RPS6KC1: variants seen among roughly 807,000 people sequenced by gnomAD.
RPS6KC1 encodes the protein inactive ribosomal protein S6 kinase delta-1.
Under a neutral mutation model 103.8 loss-of-function variants are expected in RPS6KC1, and 54 were observed. The ratio of observed to expected loss-of-function variants is 0.52; its 90% CI spans 0.42 to 0.65. RPS6KC1 has a LOEUF of 0.65. Among genes scored for constraint, RPS6KC1 ranks in the 30% least tolerant of loss-of-function variants. RPS6KC1 has a pLI of 0.00. For synonymous variants in RPS6KC1, 439 were observed against 438.7 expected (o/e 1.00, Z -0.01); for missense variants, 1,151 against 1,253.8 (o/e 0.92, Z 1.24).
the RPS6KC1 span, among the ~76,000 whole-genome samples, chr1:213,777,852 T>C: frequency 6.6e-6 from 1 of 152,338 alleles, no homozygotes; most frequent in South Asian, 2.1e-4. Context: ...AGCTCTATAT[T>C]TATTGACCAC....
At chr1:213,746,739 G>A in the RPS6KC1 span, among the ~76,000 whole-genome samples, 1 of 152,208 alleles carries the variant, frequency 6.6e-6, no homozygotes, top group African/African-American at 2.4e-5. Context: ...AGGCGGTGAA[G>A]AGAGGTCAGT....
the RPS6KC1 span, among the ~76,000 whole-genome samples, chr1:213,755,045 C>T: frequency 1.3e-5 from 2 of 152,086 alleles, no homozygotes; most frequent in African/African-American, 4.8e-5. Flanking sequence ...AGGATTCGTT[C>T]CTTACACTTA....
intron 14 of RPS6KC1, 103 bp downstream of exon 14, chr1:213,262,919 C>G (rs2094832219): frequency 1.3e-6 from 1 of 755,412 alleles, no homozygotes; most frequent in Non-Finnish European, 2.4e-6. Flanking sequence ...AAGAAAAACC[C>G]ATTTAACGTA....
chr1:213,241,088 G>A lies in RPS6KC1; in HGVS notation c.1612G>A (p.Glu538Lys). ...GAATGAGGAGCCCTTCATGAAGACT[G>A]AAGGGAATGGTGTTGATACAAAAGC... ...SLNEEPFMKTEGNGVDTKAIK... is the reference protein window; with the variant it reads ...SLNEEPFMKTKGNGVDTKAIK... The change falls in exon 11 of 15, where the codon GAA becomes AAA. Residue 538 changes from glutamate (E) to lysine (K), a missense_variant. Coordinates refer to ENST00000366960, the MANE Select transcript of RPS6KC1 (RefSeq NM_012424.6). 6.2e-7 allele frequency: 1 copy of A among 1,613,636 alleles called. No homozygotes were observed. The highest frequency in any genetic ancestry group is 1.7e-4 in the Middle Eastern group (1 of 6,060).
the RPS6KC1 span, among the ~76,000 whole-genome samples, chr1:213,506,196 GA>G: frequency 7.2e-5 from 11 of 152,298 alleles, no homozygotes; most frequent in East Asian, 2.1e-3. Context: ...CCTTTCTTCT[GA>G]AAATGAGTCT....
chr1:213,736,175 AC>A, the RPS6KC1 span, among the ~76,000 whole-genome samples: 109 of 152,132 alleles, frequency 7.2e-4, 1 homozygote, highest in Non-Finnish European at 2.1e-4. Context: ...CACACTTAAT[AC>A]CTTGAAAACA....
the RPS6KC1 span, among the ~76,000 whole-genome samples, chr1:213,713,847 T>C: frequency 2.4e-4 from 37 of 152,232 alleles, no homozygotes; most frequent in Non-Finnish European, 4.4e-4. Flanking sequence ...ATATTTTGCA[T>C]TTCAGCATGC....
At chr1:213,608,534 G>A in the RPS6KC1 span, among the ~76,000 whole-genome samples, 1 of 152,036 alleles carries the variant, frequency 6.6e-6, no homozygotes, top group Non-Finnish European at 1.5e-5. Flanking sequence ...AGGTCACCAG[G>A]CTATCGCTTC....
the RPS6KC1 span, among the ~76,000 whole-genome samples, chr1:213,515,546 G>A: frequency 1.3e-5 from 2 of 152,128 alleles, no homozygotes; most frequent in African/African-American, 4.8e-5. Flanking sequence ...TTGTAGATAT[G>A]TGGCATTATT....
Position 213,129,639 on chromosome 1 carries a change from C to CA in RPS6KC1, c.587dup (p.Asn196LysfsTer15). The CA allele has an allele frequency of 1.9e-6, 3 of 1,614,036 alleles. No homozygotes were observed. The highest frequency in any genetic ancestry group is 2.5e-6 in the Non-Finnish European group (3 of 1,179,972). On this transcript the variant is annotated frameshift_variant, in exon 6 of 15. Transcript: ENST00000366960. LOFTEE classifies it high-confidence loss of function. The stretch of plus-strand genomic sequence containing the variant: ...ATTCTCCCATTAGAACTTTTGGTCT[C>CA]AATCTTTCTTCGGATTCTTCAGCAC...
intron 8 of RPS6KC1, among the ~76,000 whole-genome samples, chr1:213,186,972 A>G (rs989289919): frequency 3.3e-5 from 5 of 152,080 alleles, no homozygotes; most frequent in African/African-American, 1.2e-4. Flanking sequence ...CAGTGGCACA[A>G]TCATGGCTCA....
the RPS6KC1 span, among the ~76,000 whole-genome samples, chr1:213,701,739 C>T: frequency 6.6e-6 from 1 of 151,952 alleles, no homozygotes; most frequent in Non-Finnish European, 1.5e-5. Flanking sequence ...CTTTGAATTT[C>T]TACAGTATTG....
intron 8 of RPS6KC1, among the ~76,000 whole-genome samples, chr1:213,214,934 G>C (rs2093619189): frequency 6.6e-6 from 1 of 152,036 alleles, no homozygotes; most frequent in South Asian, 2.1e-4. Flanking sequence ...GGAAAAAACA[G>C]AACATAAAAA....
chr1:213,786,037 C>T, the RPS6KC1 span, among the ~76,000 whole-genome samples: 1 of 152,024 alleles, frequency 6.6e-6, no homozygotes, highest in African/African-American at 2.4e-5. Flanking sequence ...AAAAATGTTT[C>T]TACTCTTCTC....
At chr1:213,106,543 T>C (rs781030585) in intron 4 of RPS6KC1, among the ~76,000 whole-genome samples, 1 of 152,172 alleles carries the variant, frequency 6.6e-6, no homozygotes, top group Non-Finnish European at 1.5e-5. Flanking sequence ...GACTCTTAGC[T>C]TTCTAGTTCT....
the RPS6KC1 span, among the ~76,000 whole-genome samples, chr1:213,492,970 T>C: frequency 1.3e-5 from 2 of 152,202 alleles, no homozygotes; most frequent in African/African-American, 2.4e-5. Context: ...AGTGAACTAC[T>C]GTGAATAAAA....
the RPS6KC1 span, among the ~76,000 whole-genome samples, chr1:213,532,269 G>A: frequency 6.6e-6 from 1 of 152,268 alleles, no homozygotes; most frequent in East Asian, 1.9e-4. Context: ...ATAAAGTGAT[G>A]GTGGTGAGGG....
At chr1:213,340,315 T>G in the RPS6KC1 span, among the ~76,000 whole-genome samples, 1 of 152,222 alleles carries the variant, frequency 6.6e-6, no homozygotes, top group East Asian at 1.9e-4. Context: ...GCCTCTGCTT[T>G]GCTGCCGGAT....
At chr1:213,275,917 A>G (rs2095111626), downstream of RPS6KC1, among the ~76,000 whole-genome samples, 2 of 152,102 alleles carry the variant, frequency 1.3e-5, no homozygotes, top group Admixed American at 1.3e-4. Context: ...TTTACTTTCT[A>G]CTTCTATTAA....
Sources: allele counts gnomAD v4.1 joint callset (sites outside exome capture counted in the v4.1 genomes callset), GRCh38; gene constraint gnomAD v4.1.1; transcripts MANE v1.5; gene names NCBI Gene and HGNC (gene_info 2026-07-23, HGNC 2026-07-21).